The following GABPB2 variants were observed in gnomAD, a reference collection of about 807,000 sequenced individuals.
The protein encoded by GABPB2 is GA-binding protein subunit beta-2.
Under a neutral mutation model 39.1 loss-of-function variants are expected in GABPB2, and 23 were observed. That is an observed-to-expected ratio of 0.59 (90% CI 0.42 to 0.83). The LOEUF (loss-of-function observed/expected upper bound fraction) is 0.83. Among genes scored for constraint, GABPB2 ranks in the 40% least tolerant of loss-of-function variants. GABPB2 has a pLI of 0.00. For synonymous variants in GABPB2, 184 were observed against 199.3 expected (o/e 0.92, Z 0.65); for missense variants, 467 against 541.1 (o/e 0.86, Z 1.36).
At chr1:151,099,084 C>CAAA (rs200277830) in intron 5 of GABPB2, among the ~76,000 whole-genome samples, 2 of 110,604 alleles carry the variant, frequency 1.8e-5, no homozygotes, top group African/African-American at 3.4e-5. Context: ...AACTTCATCT[C>CAAA]AAAAAAAAAA....
chr1:151,093,193 A>G lies in GABPB2; in HGVS notation c.278A>G (p.Asn93Ser), dbSNP rs1161013208. ...HAHIVELLVR[N>S]GADVNAKDML... ...GAAAAAAATGCTTTTCTGTGACAGAATGGTGCAGATGTGAATGCCAAGGAC... is the reference window on the plus strand; with the variant it reads ...GAAAAAAATGCTTTTCTGTGACAGAGTGGTGCAGATGTGAATGCCAAGGAC... The change falls in exon 4 of 9, where the codon AAT becomes AGT. Residue 93 changes from asparagine to serine, a missense_variant and splice_region_variant. Transcript: ENST00000368918. The G allele has an allele frequency of 1.3e-6, 2 of 1,555,742 alleles. No homozygotes were observed. The highest frequency in any genetic ancestry group is 2.4e-5 in the East Asian group (1 of 42,342).
At chr1:151,097,161 C>T (rs1679154121) in intron 4 of GABPB2, among the ~76,000 whole-genome samples, 1 of 152,066 alleles carries the variant, frequency 6.6e-6, no homozygotes, top group South Asian at 2.1e-4. Flanking sequence ...GTCCACCCGC[C>T]TCAGCCTCCC....
chr1:151,116,478 CT>C (rs1224437841), intron 7 of GABPB2, among the ~76,000 whole-genome samples: 1 of 151,172 alleles, frequency 6.6e-6, no homozygotes, highest in Non-Finnish European at 1.5e-5. Flanking sequence ...TGTGTTGACT[CT>C]TCTCTCACTT....
Position 151,122,080 on chromosome 1 carries a change from A to G in GABPB2, c.*3824A>G, listed in dbSNP as rs1204398973. 1 of 152,248 alleles carries G rather than the reference A, an allele frequency of 6.6e-6. No individual in the cohort carries two copies. Among genetic ancestry groups the G allele is most frequent in the Non-Finnish European group, 1.5e-5 (1 of 68,040 alleles). 9.4% of individuals were successfully genotyped at this position (152,248 alleles called of 1,614,324 possible). A position where few individuals can be genotyped will look rare whatever the true frequency, so the allele number is the denominator to read the frequency against. ...TGCTGCAGTGTTACAGAGGAGCAGA[A>G]TCACTTGGGTCTCAAAATAGACTGA... On this transcript the variant is annotated 3_prime_UTR_variant, in exon 9 of 9. Coordinates refer to ENST00000368918, the MANE Select transcript of GABPB2 (RefSeq NM_144618.3).
At chr1:151,117,844 A>G (rs1680998089) in intron 8 of GABPB2, 113 bp from the exon 9 acceptor site, 2 of 1,057,800 alleles carry the variant, frequency 1.9e-6, no homozygotes, top group Non-Finnish European at 2.8e-6. Context: ...TCTGCCTCCC[A>G]AAGTGCTTGG....
chr1:151,114,912 A>G (rs887140114), intron 7 of GABPB2, among the ~76,000 whole-genome samples: 2 of 151,982 alleles, frequency 1.3e-5, no homozygotes, highest in Non-Finnish European at 2.9e-5. Flanking sequence ...CGGGAGGCTG[A>G]GGTAGGAGAA....
At chr1:151,093,593 TA>T (rs1390786673) in intron 4 of GABPB2, among the ~76,000 whole-genome samples, 1 of 148,258 alleles carries the variant, frequency 6.7e-6, no homozygotes, top group Non-Finnish European at 1.5e-5. Flanking sequence ...TACGCATATA[TA>T]TTTTTTATAT....
At chr1:151,085,079 A>C (rs991850173) in intron 1 of GABPB2, among the ~76,000 whole-genome samples, 1 of 150,604 alleles carries the variant, frequency 6.6e-6, no homozygotes, top group Admixed American at 6.6e-5. Context: ...CCTGGGTGAC[A>C]GAGCAAGAAC....
rs1681094487 is a variant in GABPB2 at position 151,119,476 on chromosome 1, A to G, written c.*1220A>G. 6.6e-6 allele frequency: 1 copy of G among 152,386 alleles called. No individual in the cohort carries two copies. The highest frequency in any genetic ancestry group is 6.5e-5 in the Admixed American group (1 of 15,286). The allele number at this position is 152,386 out of a possible 1,614,324, so 9.4% of individuals were successfully genotyped here. A position where few individuals can be genotyped will look rare whatever the true frequency, so the allele number is the denominator to read the frequency against. On this transcript the variant is annotated 3_prime_UTR_variant, in exon 9 of 9. Coordinates refer to ENST00000368918, the MANE Select transcript of GABPB2 (RefSeq NM_144618.3). ...AAAAATTGGCCGGGCGCAGCGGCTC[A>G]CGCCTGTAATCCCAGCACTTTCGGA...
chr1:151,089,912 G>A (rs894819800), intron 2 of GABPB2, among the ~76,000 whole-genome samples: 3 of 150,544 alleles, frequency 2.0e-5, no homozygotes, highest in African/African-American at 7.3e-5. Flanking sequence ...TCAATTGGTG[G>A]TATATTTATT....
intron 7 of GABPB2, among the ~76,000 whole-genome samples, chr1:151,110,062 A>T (rs938712382): frequency 1.8e-5 from 2 of 110,190 alleles, no homozygotes; most frequent in African/African-American, 6.7e-5. Flanking sequence ...GGGTTTCGCC[A>T]TGTTGGCCAG....
chr1:151,097,194 G>A (rs587744380), intron 4 of GABPB2, among the ~76,000 whole-genome samples: 2 of 151,978 alleles, frequency 1.3e-5, no homozygotes, highest in African/African-American at 2.4e-5. Context: ...TTACAGGCAT[G>A]AGCCACCGTG....
chr1:151,097,184 T>G (rs587690481), intron 4 of GABPB2, among the ~76,000 whole-genome samples: 2 of 152,122 alleles, frequency 1.3e-5, no homozygotes, highest in African/African-American at 4.8e-5. Flanking sequence ...AGTGGTAGGA[T>G]TACAGGCATG....
intron 7 of GABPB2, among the ~76,000 whole-genome samples, chr1:151,115,454 G>A (rs920409973): frequency 2.0e-4 from 30 of 148,670 alleles, no homozygotes; most frequent in Non-Finnish European, 4.1e-4. Context: ...AAGCTGGAGT[G>A]CAGTGGCACT....
intron 7 of GABPB2, among the ~76,000 whole-genome samples, chr1:151,114,450 C>T (rs1680699834): frequency 6.6e-6 from 1 of 152,052 alleles, no homozygotes; most frequent in African/African-American, 2.4e-5. Context: ...CAGTGGCTCA[C>T]ACACTTTGGG....
At chr1:151,078,668 C>G (rs1287129639) in intron 1 of GABPB2, among the ~76,000 whole-genome samples, 3 of 151,944 alleles carry the variant, frequency 2.0e-5, no homozygotes, top group African/African-American at 7.2e-5. Flanking sequence ...TTGAGACAGT[C>G]TCGCTCTGTT....
In GABPB2 at chr1:151,117,429, T is replaced by G. The variant is rs770398317; in HGVS notation, c.960T>G (p.Thr320=). 1 of 1,613,806 alleles carries G rather than the reference T, an allele frequency of 6.2e-7. No individual in the cohort carries two copies. The highest frequency in any genetic ancestry group is 1.1e-5 in the South Asian group (1 of 91,076). The change falls in exon 8 of 9, where the codon ACT becomes ACG. Residue 320 remains threonine (T), a synonymous_variant. Transcript: ENST00000368918. ...TVPAGKVAEE[T]VIKEEEEEKL... is the part of the protein sequence containing the mutation. Reference sequence around the variant, plus strand: ...CTGCTGGTAAGGTTGCAGAGGAGACTGTAATTAAAGAGGAAGAAGAAGAGA... The same window carrying G: ...CTGCTGGTAAGGTTGCAGAGGAGACGGTAATTAAAGAGGAAGAAGAAGAGA...
At chr1:151,096,989 G>A (rs116542234) in intron 4 of GABPB2, among the ~76,000 whole-genome samples, 7,285 of 151,984 alleles carry the variant, frequency 0.048, 290 homozygotes, top group African/African-American at 0.1. Context: ...TTGGCTTACC[G>A]CAATCTTGGC....
In GABPB2 at chr1:151,091,262, A is replaced by G. The variant is rs1678670601; in HGVS notation, c.276+689A>G. On this transcript the variant is annotated intron_variant, in intron 3 of 8. Coordinates refer to ENST00000368918, the MANE Select transcript of GABPB2 (RefSeq NM_144618.3). ...GCCACTACACCCAGCCAATTTTTGT[A>G]TTTTTAGTAGAGACGGGGTTTCACC... 2.0e-5 allele frequency among the ~76,000 whole-genome samples: 3 copies of G among 147,044 alleles called. No homozygotes were observed. In the South Asian group the frequency reaches 6.6e-4, roughly 32 times the overall value.
Sources: gnomAD v4.1 joint callset for allele counts (sites outside exome capture counted in the v4.1 genomes callset) on GRCh38, gnomAD v4.1.1 for gene constraint, MANE v1.5 for transcripts, NCBI Gene and HGNC (gene_info 2026-07-23, HGNC 2026-07-21) for gene names.